Variants in PKHD1 observed in about 807,000 individuals in gnomAD.
The protein encoded by PKHD1 is PKHD1 ciliary IPT domain containing fibrocystin/polyductin, also known as fibrocystin.
PKHD1 carries 291 observed loss-of-function variants against 412.0 expected under a neutral mutation model. The observed-to-expected ratio is 0.71, with a 90% confidence interval of 0.64 to 0.78. The LOEUF is 0.78. Ranked by LOEUF, PKHD1 falls within the 30% of genes least tolerant of loss-of-function variation. The probability of loss-of-function intolerance (pLI) is 0.00; values close to 1 mark genes in which losing one functional copy is unlikely to be tolerated. For synonymous variants in PKHD1, 1,777 were observed against 1,821.5 expected, an observed-to-expected ratio of 0.98 and a Z score of 0.62; for missense variants, 4,825 against 4,950.7, an observed-to-expected ratio of 0.97 and a Z score of 0.76.
At chr6:51,949,420 C>T (rs1789978369) in intron 36 of PKHD1, among the ~76,000 whole-genome samples, 1 of 152,056 alleles carries the variant, frequency 6.6e-6, no homozygotes, top group African/African-American at 2.4e-5. Flanking sequence ...CCTTACTGCA[C>T]TGTGCTGCTC....
At chr6:51,863,101 T>C (rs1774461162) in intron 48 of PKHD1, among the ~76,000 whole-genome samples, 1 of 152,182 alleles carries the variant, frequency 6.6e-6, no homozygotes, top group African/African-American at 2.4e-5. Flanking sequence ...TATACCCATT[T>C]TAGTGATGAA....
At chr6:51,894,729 C>T (rs1368118791) in intron 43 of PKHD1, among the ~76,000 whole-genome samples, 1 of 152,170 alleles carries the variant, frequency 6.6e-6, no homozygotes, top group African/African-American at 2.4e-5. Context: ...GAGTTGGTTG[C>T]CCAAACATGA....
chr6:51,790,162 A>G (rs1793517613), intron 53 of PKHD1, among the ~76,000 whole-genome samples: 1 of 152,184 alleles, frequency 6.6e-6, no homozygotes, highest in Non-Finnish European at 1.5e-5. Flanking sequence ...ACCACCAGAG[A>G]TATATTTCTT....
At chr6:51,687,288 G>GAA (rs76906066) in intron 60 of PKHD1, among the ~76,000 whole-genome samples, 1 of 150,266 alleles carries the variant, frequency 6.7e-6, no homozygotes, top group Non-Finnish European at 1.5e-5. Context: ...GATAAAAAAT[G>GAA]AAAAAAAAAG....
At chr6:51,958,980 C>CA (rs1791586227) in intron 36 of PKHD1, among the ~76,000 whole-genome samples, 1 of 152,040 alleles carries the variant, frequency 6.6e-6, no homozygotes, top group East Asian at 1.9e-4. Context: ...TAGAGAATGA[C>CA]AAAATGCCTA....
intron 32 of PKHD1, 78 bp from the exon 33 acceptor site, chr6:52,023,022 G>T: frequency 6.6e-7 from 1 of 1,508,472 alleles, no homozygotes; most frequent in South Asian, 1.1e-5. Flanking sequence ...TCAAACATTT[G>T]CTTCCTCACT....
At chr6:51,934,728 A>G (rs1238670245) in intron 36 of PKHD1, among the ~76,000 whole-genome samples, 1 of 152,208 alleles carries the variant, frequency 6.6e-6, no homozygotes, top group Admixed American at 6.5e-5. Context: ...AATTATAGTA[A>G]AAGGAAATGT....
chr6:51,851,332 C>T (rs927372213), intron 49 of PKHD1, among the ~76,000 whole-genome samples: 3 of 152,194 alleles, frequency 2.0e-5, no homozygotes, highest in South Asian at 2.1e-4. Flanking sequence ...CATTGATGTT[C>T]ATCAGGGATA....
intron 35 of PKHD1, among the ~76,000 whole-genome samples, chr6:51,985,092 G>A (rs1796044541): frequency 6.6e-6 from 1 of 151,656 alleles, no homozygotes; most frequent in Admixed American, 6.6e-5. Flanking sequence ...CTTTTTTAAT[G>A]GAAATGTGTA....
intron 35 of PKHD1, among the ~76,000 whole-genome samples, chr6:51,963,137 T>A (rs555419455): frequency 6.6e-6 from 1 of 152,188 alleles, no homozygotes; most frequent in South Asian, 2.1e-4. Flanking sequence ...AAATGCTATA[T>A]CCCCTAGGTC....
intron 43 of PKHD1, among the ~76,000 whole-genome samples, chr6:51,897,505 T>C (rs933948697): frequency 2.0e-5 from 3 of 148,752 alleles, no homozygotes; most frequent in African/African-American, 5.0e-5. Context: ...AAAGAGCTCC[T>C]GAAGGAAGCA....
chr6:51,805,538 G>C (rs1345812496), intron 52 of PKHD1, among the ~76,000 whole-genome samples: 1 of 152,138 alleles, frequency 6.6e-6, no homozygotes, highest in Non-Finnish European at 1.5e-5. Flanking sequence ...ATGAAAAGTT[G>C]AAATTATATT....
intron 61 of PKHD1, among the ~76,000 whole-genome samples, chr6:51,651,467 CA>C (rs1327331585): frequency 6.6e-6 from 1 of 152,000 alleles, no homozygotes; most frequent in Non-Finnish European, 1.5e-5. Flanking sequence ...GGTGAAAGGT[CA>C]TCAAATGAAT....
chr6:51,909,105 C>A (rs1782574856), intron 40 of PKHD1, among the ~76,000 whole-genome samples, 178 bp downstream of exon 40: 1 of 152,136 alleles, frequency 6.6e-6, no homozygotes. Flanking sequence ...TTTTAATAAG[C>A]TCCACAAGTG....
chr6:52,053,211 G>C lies in PKHD1; in HGVS notation c.2005C>G (p.Arg669Gly), dbSNP rs375547868. 46 of 1,614,066 alleles carry C rather than the reference G, an allele frequency of 2.8e-5. No individual in the cohort carries two copies. The highest frequency in any genetic ancestry group is 3.9e-5 in the Non-Finnish European group (46 of 1,180,022). ...DCTDLWETCV[R>G]CFGDLQPPPA... ...GGGGGCTGGAGATCCCCGAAGCAACGCACACAAGTCTCCCAGAGGTCAGTG... is the reference window on the plus strand; with the variant it reads ...GGGGGCTGGAGATCCCCGAAGCAACCCACACAAGTCTCCCAGAGGTCAGTG... The change falls in exon 21 of 67, where the codon CGT becomes GGT. Residue 669 changes from arginine to glycine, a missense_variant. By Grantham distance (125) the Arg-to-Gly change is moderately radical. Transcript: ENST00000371117.
chr6:51,883,719 T>C (rs1055295685), intron 45 of PKHD1, among the ~76,000 whole-genome samples: 2 of 152,216 alleles, frequency 1.3e-5, no homozygotes, highest in South Asian at 4.1e-4. Context: ...ACAGGGGTCA[T>C]ATAATAACAA....
chr6:51,687,656 C>G (rs879522410), intron 60 of PKHD1, among the ~76,000 whole-genome samples: 2 of 152,142 alleles, frequency 1.3e-5, no homozygotes, highest in Non-Finnish European at 2.9e-5. Flanking sequence ...AACTGAGTTT[C>G]TTAAAATTTA....
intron 60 of PKHD1, among the ~76,000 whole-genome samples, chr6:51,728,293 T>C (rs1295324667): frequency 1.3e-5 from 2 of 152,106 alleles, no homozygotes; most frequent in African/African-American, 2.4e-5. Flanking sequence ...CTTTGCCAAA[T>C]AGGACAACTG....
intron 60 of PKHD1, chr6:51,722,006 C>T (rs1354603226): frequency 2.5e-6 from 4 of 1,613,478 alleles, no homozygotes; most frequent in Non-Finnish European, 3.4e-6. Context: ...ATCTTCAAAG[C>T]CTGCTCAGTG....
Sources: allele counts gnomAD v4.1 joint callset (sites outside exome capture counted in the v4.1 genomes callset), GRCh38; gene constraint gnomAD v4.1.1; transcripts MANE v1.5; gene names NCBI Gene and HGNC (gene_info 2026-07-23, HGNC 2026-07-21).